The following PXYLP1 variants were observed in gnomAD, a reference collection of about 807,000 sequenced individuals.
The protein encoded by PXYLP1 is acid phosphatase-like 2.
In PXYLP1, 17 loss-of-function variants were observed where a neutral mutation model predicts 37.9. That is an observed-to-expected ratio of 0.45 (90% CI 0.31 to 0.67). The LOEUF (loss-of-function observed/expected upper bound fraction) is 0.67. PXYLP1 is among the 30% of genes least tolerant of loss of function. The probability of loss-of-function intolerance (pLI) is 0.07; values close to 1 mark genes in which losing one functional copy is unlikely to be tolerated. For missense variants in PXYLP1, 511 were observed against 612.0 expected (o/e 0.84, Z 1.74); for synonymous variants, 221 against 232.2 (o/e 0.95, Z 0.44).
At chr3:141,279,771 G>A (rs1224537614) in intron 4 of PXYLP1, among the ~76,000 whole-genome samples, 1 of 152,210 alleles carries the variant, frequency 6.6e-6, no homozygotes, top group Non-Finnish European at 1.5e-5. Context: ...TTAATAAACA[G>A]TTGGGACACA....
At chr3:141,241,048 C>T (rs1940785848) in intron 1 of PXYLP1, among the ~76,000 whole-genome samples, 1 of 152,164 alleles carries the variant, frequency 6.6e-6, no homozygotes, top group Non-Finnish European at 1.5e-5. Context: ...CTCAACCTTC[C>T]AAAGCTTCTC....
At chr3:141,235,642 G>C (rs897704185) in intron 1 of PXYLP1, 1 of 152,302 alleles carries the variant, frequency 6.6e-6, no homozygotes, top group South Asian at 2.1e-4. Flanking sequence ...TAGTAGGATG[G>C]TGGGCCTTTT....
rs1559885833 is a variant in PXYLP1, at chr3:141,260,010, C to CG, written c.-53-108dup. The stretch of plus-strand genomic sequence containing the variant: ...CAGCTAGAGATGCATGCTTCCCTGC[C>CG]GGGGGACTGGGCTAATCAGATTATT... On this transcript the variant is annotated intron_variant, in intron 1 of 5. Transcript: ENST00000286353. 3 of 708,896 alleles carry CG rather than the reference C, an allele frequency of 4.2e-6. No homozygotes were observed. The African/African-American group carries it at 5.4e-5, about 13-fold the overall frequency. The allele number at this position is 708,896 out of a possible 1,614,324, so 43.9% of individuals were successfully genotyped here. A position where few individuals can be genotyped will look rare whatever the true frequency, so the allele number is the denominator to read the frequency against.
chr3:141,281,778 T>C (rs1031494179), intron 4 of PXYLP1, among the ~76,000 whole-genome samples: 1 of 152,076 alleles, frequency 6.6e-6, no homozygotes, highest in Admixed American at 6.5e-5. Context: ...GACCAACCCA[T>C]GCAGTGTGAG....
In PXYLP1 at chr3:141,260,229, C is replaced by T; in HGVS notation, c.54C>T (p.Ala18=). 1 of 1,613,418 alleles carries T rather than the reference C, an allele frequency of 6.2e-7. No homozygotes were observed. Residue 18 remains alanine, a synonymous_variant, in exon 2 of 6, where the codon GCC becomes GCT. Transcript: ENST00000286353. The part of the protein sequence containing the change: ...LLLLALAALL[A]FVSLSLQFFH... Reference sequence around the variant, plus strand: ...TGCTGGCCCTGGCTGCGCTGCTGGCCTTTGTGAGCCTCAGCCTGCAGTTCT... The same window carrying T: ...TGCTGGCCCTGGCTGCGCTGCTGGCTTTTGTGAGCCTCAGCCTGCAGTTCT...
chr3:141,244,028 A>G (rs1940879450), intron 1 of PXYLP1, among the ~76,000 whole-genome samples: 1 of 152,220 alleles, frequency 6.6e-6, no homozygotes. Context: ...CAGGATTCCT[A>G]CTTACTTAAG....
At chr3:141,279,551 C>T in intron 4 of PXYLP1, 47 bp downstream of exon 4, 1 of 1,610,170 alleles carries the variant, frequency 6.2e-7, no homozygotes, top group Non-Finnish European at 8.5e-7. Flanking sequence ...TCTGTTATAT[C>T]CTGTAGGATA....
At chr3:141,239,024 G>C (rs1940727242) in intron 1 of PXYLP1, among the ~76,000 whole-genome samples, 1 of 150,906 alleles carries the variant, frequency 6.6e-6, no homozygotes, top group East Asian at 1.9e-4. Flanking sequence ...GTTGTTCAAG[G>C]GTAGACCTAT....
At chr3:141,289,088 ACT>A (rs1431264922) in intron 5 of PXYLP1, among the ~76,000 whole-genome samples, 5 of 152,090 alleles carry the variant, frequency 3.3e-5, no homozygotes, top group Admixed American at 1.3e-4. Flanking sequence ...CCTAAATGTG[ACT>A]CTGACAACTA....
intron 1 of PXYLP1, among the ~76,000 whole-genome samples, chr3:141,241,879 C>T (rs1394114612): frequency 2.6e-5 from 4 of 152,082 alleles, no homozygotes; most frequent in Non-Finnish European, 4.4e-5. Flanking sequence ...GGAGAGGGGC[C>T]CCATCACTTG....
In PXYLP1 at chr3:141,293,471, T is replaced by C; in HGVS notation, c.*266T>C. On this transcript the variant is annotated 3_prime_UTR_variant, in exon 6 of 6. Coordinates refer to ENST00000286353, the MANE Select transcript of PXYLP1 (RefSeq NM_001037172.3). ...GACTTCGCTTAGAATGCCAGAATAA[T>C]ATAGTTCAAGACCTGAAGTTGCCAA... is the stretch of plus-strand genomic sequence containing the variant. The C allele has an allele frequency of 2.2e-6, 1 of 456,102 alleles. No individual in the cohort carries two copies. The highest frequency in any genetic ancestry group is 3.9e-6 in the Non-Finnish European group (1 of 256,952). The allele number at this position is 456,102 out of a possible 1,614,324, so 28.3% of individuals were successfully genotyped here. A position where few individuals can be genotyped will look rare whatever the true frequency, so the allele number is the denominator to read the frequency against.
chr3:141,238,390 A>G (rs1940709596), intron 1 of PXYLP1, among the ~76,000 whole-genome samples: 1 of 152,188 alleles, frequency 6.6e-6, no homozygotes, highest in African/African-American at 2.4e-5. Flanking sequence ...GCCTCCAGCA[A>G]TGGGCTGTCG....
chr3:141,243,721 A>C (rs1405399921), intron 1 of PXYLP1, among the ~76,000 whole-genome samples: 1 of 152,192 alleles, frequency 6.6e-6, no homozygotes, highest in African/African-American at 2.4e-5. Context: ...AGGTGGATGG[A>C]GCTGCTGCTA....
At chr3:141,242,263 G>T (rs186240774) in intron 1 of PXYLP1, among the ~76,000 whole-genome samples, 101 of 152,228 alleles carry the variant, frequency 6.6e-4, no homozygotes, top group Non-Finnish European at 5.9e-5. Flanking sequence ...CACCAAATGA[G>T]GGCTCGCCTT....
chr3:141,275,990 T>C (rs1941785416), intron 2 of PXYLP1, among the ~76,000 whole-genome samples: 1 of 152,254 alleles, frequency 6.6e-6, no homozygotes. Flanking sequence ...CTGTATTCTT[T>C]CTAAGTCGAG....
At chr3:141,235,867 T>A (rs1241473645) in intron 1 of PXYLP1, among the ~76,000 whole-genome samples, 2 of 152,240 alleles carry the variant, frequency 1.3e-5, no homozygotes, top group Non-Finnish European at 2.9e-5. Context: ...TCTGGCCTGT[T>A]TATCCTCCAC....
intron 1 of PXYLP1, among the ~76,000 whole-genome samples, chr3:141,233,840 C>T (rs955934220): frequency 6.6e-6 from 1 of 152,168 alleles, no homozygotes; most frequent in African/African-American, 2.4e-5. Context: ...GATAAGTAGC[C>T]CAAGGACATA....
chr3:141,292,219 T>C lies in PXYLP1; in HGVS notation c.506-49T>C. ...GCTGACTCCACCTCCCCTTGCTGTT[T>C]CTTTTGCTCAGCTGGAAGTAAGGTA... On this transcript the variant is annotated intron_variant, in intron 5 of 5. Transcript: ENST00000286353. This position sits in a 1 kb window ranked among gnomAD's most constrained non-coding sequence, Gnocchi z 4.3. The C allele has an allele frequency of 6.5e-7, 1 of 1,527,370 alleles. No individual in the cohort carries two copies. The highest frequency in any genetic ancestry group is 1.3e-5 in the South Asian group (1 of 76,862). The allele number at this position is 1,527,370 out of a possible 1,614,324, so 94.6% of individuals were successfully genotyped here. A position where few individuals can be genotyped will look rare whatever the true frequency, so the allele number is the denominator to read the frequency against.
At chr3:141,252,466 A>AG (rs1941161529) in intron 1 of PXYLP1, among the ~76,000 whole-genome samples, 2 of 152,182 alleles carry the variant, frequency 1.3e-5, no homozygotes, top group Non-Finnish European at 2.9e-5. Flanking sequence ...AGCGTATCAC[A>AG]CGGTGAGAGC....
Sources: allele counts gnomAD v4.1 joint callset (sites outside exome capture counted in the v4.1 genomes callset), GRCh38; gene constraint gnomAD v4.1.1; non-coding constraint Gnocchi (gnomAD v3.1); transcripts MANE v1.5; gene names NCBI Gene and HGNC (gene_info 2026-07-23, HGNC 2026-07-21).